Variants in CNTNAP4 observed in about 807,000 individuals in gnomAD.
CNTNAP4 encodes contactin-associated protein-like 4.
In CNTNAP4, 98 loss-of-function variants were observed where a neutral mutation model predicts 148.4. That is an observed-to-expected ratio of 0.66 (90% CI 0.56 to 0.78). The LOEUF (loss-of-function observed/expected upper bound fraction) is 0.78. CNTNAP4 is among the 30% of genes least tolerant of loss of function. CNTNAP4 has a pLI of 0.00. For missense variants in CNTNAP4, 1,935 were observed against 1,565.6 expected, an observed-to-expected ratio of 1.24 and a Z score of -3.98; for synonymous variants, 730 against 565.1, an observed-to-expected ratio of 1.29 and a Z score of -4.14.
chr16:76,550,684 A>T (rs1270586601), intron 21 of CNTNAP4, among the ~76,000 whole-genome samples: 1 of 151,520 alleles, frequency 6.6e-6, no homozygotes, highest in Non-Finnish European at 1.5e-5. Context: ...AAAAGAAAAA[A>T]AAAACTCCAA....
At chr16:76,480,691 T>G (rs1279385267) in intron 12 of CNTNAP4, among the ~76,000 whole-genome samples, 4 of 152,116 alleles carry the variant, frequency 2.6e-5, no homozygotes, top group Non-Finnish European at 5.9e-5. Flanking sequence ...TGAGCCAAGA[T>G]TGTGCCACTG....
At chr16:76,544,011 C>G (rs2084582942) in intron 21 of CNTNAP4, among the ~76,000 whole-genome samples, 1 of 152,174 alleles carries the variant, frequency 6.6e-6, no homozygotes, top group Non-Finnish European at 1.5e-5. Flanking sequence ...TACATCTGCC[C>G]TTACAGAGCT....
chr16:76,556,883 A>C (rs761484698), intron 23 of CNTNAP4, among the ~76,000 whole-genome samples: 2 of 152,178 alleles, frequency 1.3e-5, no homozygotes, highest in Non-Finnish European at 2.9e-5. Context: ...TGGCTTGGCT[A>C]TTGGACGTGC....
At chr16:76,448,995 A>G (rs776784405) in intron 6 of CNTNAP4, 44 bp downstream of exon 6, 3 of 1,548,748 alleles carry the variant, frequency 1.9e-6, no homozygotes, top group South Asian at 2.3e-5. Flanking sequence ...TATTATGTAT[A>G]TGTGGTTTAA....
In CNTNAP4 at chr16:76,431,341, A is replaced by G. The variant is rs2079597061; in HGVS notation, c.538+3742A>G. Among the ~76,000 whole-genome samples the G allele has an allele frequency of 2.6e-5, 4 of 152,124 alleles. No homozygotes were observed. The South Asian group carries it at 8.3e-4, about 31-fold the overall frequency. ...TTAGAAGGCTTTCACTCTTGTTTGG[A>G]CAAGTGATGGTAGAACCCCAAGCTA... is the stretch of plus-strand genomic sequence containing the variant. On this transcript the variant is annotated intron_variant, in intron 4 of 23. Coordinates refer to ENST00000611870, the MANE Select transcript of CNTNAP4 (RefSeq NM_033401.5).
chr16:76,309,882 G>A, intron 1 of CNTNAP4: 2 of 701,780 alleles, frequency 2.8e-6, no homozygotes, highest in Non-Finnish European at 5.2e-6. Flanking sequence ...CCATGATTCT[G>A]AGGCCTTCCC....
intron 3 of CNTNAP4, among the ~76,000 whole-genome samples, chr16:76,364,926 G>A (rs1363793554): frequency 1.3e-5 from 2 of 152,126 alleles, no homozygotes; most frequent in African/African-American, 4.8e-5. Flanking sequence ...TGCTTTTGGT[G>A]TTTTAGTCAT....
chr16:76,426,442 T>C (rs1387762482), intron 3 of CNTNAP4, among the ~76,000 whole-genome samples: 4 of 151,900 alleles, frequency 2.6e-5, no homozygotes, highest in African/African-American at 9.7e-5. Context: ...AAGAAAGAGG[T>C]GGAGGAGAGG....
At chr16:76,407,771 T>G (rs1437538215) in intron 3 of CNTNAP4, among the ~76,000 whole-genome samples, 1 of 152,128 alleles carries the variant, frequency 6.6e-6, no homozygotes. Flanking sequence ...ATTTAGAATA[T>G]TACATGAACT....
chr16:76,452,349 A>G lies in CNTNAP4; in HGVS notation c.1072-159A>G, dbSNP rs545766032. Among the ~76,000 whole-genome samples, 3 of 152,302 alleles carry G rather than the reference A, an allele frequency of 2.0e-5. No individual in the cohort carries two copies. In the East Asian group the frequency reaches 5.8e-4, roughly 29 times the overall value. On this transcript the variant is annotated intron_variant, in intron 7 of 23. Coordinates refer to ENST00000611870, the MANE Select transcript of CNTNAP4 (RefSeq NM_033401.5). ...AGAAGAGCAGAGCAAAGGGTTGAAG[A>G]ACCTTTAAGAAATATGGCAGTGGTT...
chr16:76,545,415 A>G (rs780735732), intron 21 of CNTNAP4, among the ~76,000 whole-genome samples: 1 of 152,228 alleles, frequency 6.6e-6, no homozygotes, highest in Non-Finnish European at 1.5e-5. Context: ...ACCTGATTTT[A>G]ATAGTAGAAC....
chr16:76,378,170 T>C (rs2015617348), intron 3 of CNTNAP4, among the ~76,000 whole-genome samples: 1 of 152,122 alleles, frequency 6.6e-6, no homozygotes, highest in Non-Finnish European at 1.5e-5. Flanking sequence ...AAAAATTACC[T>C]ATGGGATACA....
At chr16:76,284,357 G>C (rs892152180) in intron 1 of CNTNAP4, among the ~76,000 whole-genome samples, 13 of 151,858 alleles carry the variant, frequency 8.6e-5, no homozygotes, top group African/African-American at 3.1e-4. Flanking sequence ...TTGAGTTGTA[G>C]CATCAAATGC....
At chr16:76,406,399 T>G (rs939654103) in intron 3 of CNTNAP4, among the ~76,000 whole-genome samples, 5 of 151,988 alleles carry the variant, frequency 3.3e-5, no homozygotes, top group African/African-American at 7.2e-5. Flanking sequence ...ACAACAATAT[T>G]GAAATTAGAC....
At chr16:76,502,191 C>T (rs1483032601) in intron 15 of CNTNAP4, among the ~76,000 whole-genome samples, 1 of 152,088 alleles carries the variant, frequency 6.6e-6, no homozygotes, top group East Asian at 1.9e-4. Context: ...CTATTTTTAG[C>T]GTTGAGGTTC....
At chr16:76,428,576 T>C (rs1389944279) in intron 4 of CNTNAP4, among the ~76,000 whole-genome samples, 3 of 152,102 alleles carry the variant, frequency 2.0e-5, no homozygotes, top group African/African-American at 7.2e-5. Context: ...CTTGTTGAAG[T>C]TGTCTAAACT....
chr16:76,328,647 G>C (rs962766989), intron 2 of CNTNAP4, among the ~76,000 whole-genome samples: 4 of 152,042 alleles, frequency 2.6e-5, no homozygotes, highest in Middle Eastern at 6.8e-3. Flanking sequence ...TGCCTGTAAG[G>C]TGTGTTTTTT....
At chr16:76,402,273 A>G (rs1413257664) in intron 3 of CNTNAP4, among the ~76,000 whole-genome samples, 1 of 151,858 alleles carries the variant, frequency 6.6e-6, no homozygotes, top group African/African-American at 2.4e-5. Flanking sequence ...GTGAGGCTGT[A>G]TATGTCCAGG....
At chr16:76,548,639 G>A (rs1409708931) in intron 21 of CNTNAP4, among the ~76,000 whole-genome samples, 1 of 151,878 alleles carries the variant, frequency 6.6e-6, no homozygotes, top group East Asian at 2.0e-4. Flanking sequence ...AATTGCACTT[G>A]AGGGTTACTT....
Sources: gnomAD v4.1 joint callset for allele counts (sites outside exome capture counted in the v4.1 genomes callset) on GRCh38, gnomAD v4.1.1 for gene constraint, MANE v1.5 for transcripts, NCBI Gene and HGNC (gene_info 2026-07-23, HGNC 2026-07-21) for gene names.